Variants in GPC6 observed in about 807,000 individuals in gnomAD.
GPC6 encodes the protein glypican 6, also known as glypican-6.
A neutral mutation model predicts 55.2 loss-of-function variants in GPC6; 14 were observed. The observed-to-expected ratio is 0.25, with a 90% confidence interval of 0.17 to 0.40. The LOEUF is 0.40. GPC6 is among the 10% of genes least tolerant of loss of function. The pLI, the probability that GPC6 is intolerant of heterozygous loss-of-function variation, is 1.00. For synonymous variants in GPC6, 278 were observed against 259.6 expected (o/e 1.07, Z -0.68); for missense variants, 641 against 708.5 (o/e 0.90, Z 1.08).
intron 1 of GPC6, among the ~76,000 whole-genome samples, chr13:93,401,586 A>G (rs907594175): frequency 1.5e-4 from 23 of 151,308 alleles, no homozygotes; most frequent in African/African-American, 5.1e-4. Context: ...CAGTGTGATT[A>G]GAAACCAGGG....
At chr13:94,097,611 A>G (rs2138820896) in intron 4 of GPC6, among the ~76,000 whole-genome samples, 1 of 152,230 alleles carries the variant, frequency 6.6e-6, no homozygotes, top group Non-Finnish European at 1.5e-5. Flanking sequence ...AACAATGTGA[A>G]TATACTTAAC....
At chr13:93,725,998 C>T (rs1357393527) in intron 2 of GPC6, among the ~76,000 whole-genome samples, 1 of 151,772 alleles carries the variant, frequency 6.6e-6, no homozygotes, top group Non-Finnish European at 1.5e-5. Flanking sequence ...AATGTAGTGG[C>T]CCAATTAAAG....
intron 2 of GPC6, among the ~76,000 whole-genome samples, chr13:93,813,545 A>T (rs1179855341): frequency 4.6e-5 from 7 of 152,318 alleles, no homozygotes; most frequent in African/African-American, 1.7e-4. Flanking sequence ...ACAATTGATT[A>T]TAATTGTTTT....
At chr13:93,832,264 C>T (rs1887549091) in intron 3 of GPC6, among the ~76,000 whole-genome samples, 1 of 150,022 alleles carries the variant, frequency 6.7e-6, no homozygotes, top group Non-Finnish European at 1.5e-5. Flanking sequence ...CACCTGAGGA[C>T]TGTCAGTAAA....
intron 1 of GPC6, among the ~76,000 whole-genome samples, chr13:93,228,523 T>C (rs868405817): frequency 6.6e-6 from 1 of 152,152 alleles, no homozygotes; most frequent in Admixed American, 6.5e-5. Context: ...TGTGTAGCAC[T>C]TGGTCTCCGA....
intron 2 of GPC6, among the ~76,000 whole-genome samples, chr13:93,694,069 C>G (rs1882358763): frequency 6.6e-6 from 1 of 152,112 alleles, no homozygotes; most frequent in Admixed American, 6.5e-5. Flanking sequence ...AATTATACAT[C>G]ATTTATGAAG....
At chr13:94,272,903 C>T (rs969396360) in intron 4 of GPC6, among the ~76,000 whole-genome samples, 1 of 152,092 alleles carries the variant, frequency 6.6e-6, no homozygotes, top group Non-Finnish European at 1.5e-5. Context: ...GCCACATCAC[C>T]AGGCTCCTCG....
rs533890976 is a variant in GPC6 at position 94,044,375 on chromosome 13, C to T, written c.877+16481C>T. ...TCAAGTGGGAGTTATTTCTATCCTA[C>T]AGCTCAAGGTCATCGCCAAGGTCTG... On this transcript the variant is annotated intron_variant, in intron 4 of 8. Coordinates refer to ENST00000377047, the MANE Select transcript of GPC6 (RefSeq NM_005708.5). 2.0e-5 allele frequency among the ~76,000 whole-genome samples: 3 copies of T among 151,924 alleles called. No homozygotes were observed. The South Asian group carries it at 6.2e-4, about 31-fold the overall frequency.
intron 4 of GPC6, among the ~76,000 whole-genome samples, chr13:94,096,785 A>G (rs1475873804): frequency 4.6e-5 from 7 of 152,296 alleles, no homozygotes; most frequent in African/African-American, 1.7e-4. Flanking sequence ...GCAAACAGAA[A>G]TCTAGGTGAA....
At chr13:93,918,007 A>G (rs529525914) in intron 3 of GPC6, among the ~76,000 whole-genome samples, 2 of 152,036 alleles carry the variant, frequency 1.3e-5, no homozygotes, top group South Asian at 4.2e-4. Flanking sequence ...TGAGGCAGAA[A>G]AATCACTTGA....
chr13:94,349,908 A>G (rs1288833674), intron 6 of GPC6, among the ~76,000 whole-genome samples: 1 of 152,140 alleles, frequency 6.6e-6, no homozygotes, highest in Non-Finnish European at 1.5e-5. Flanking sequence ...CCAGTCGGTG[A>G]CGAACAAAAT....
At chr13:94,246,036 T>C (rs1891185785) in intron 4 of GPC6, among the ~76,000 whole-genome samples, 1 of 152,124 alleles carries the variant, frequency 6.6e-6, no homozygotes, top group African/African-American at 2.4e-5. Context: ...GGGTCTTGTC[T>C]TTTTTATAGT....
At chr13:93,858,375 C>A (rs1888694223) in intron 3 of GPC6, among the ~76,000 whole-genome samples, 1 of 151,338 alleles carries the variant, frequency 6.6e-6, no homozygotes, top group Admixed American at 6.6e-5. Context: ...TTTAGTTTGC[C>A]ATTTTAGGTC....
intron 4 of GPC6, among the ~76,000 whole-genome samples, chr13:94,233,389 T>C (rs1890788270): frequency 6.6e-6 from 1 of 152,214 alleles, no homozygotes; most frequent in South Asian, 2.1e-4. Context: ...TTATCTCTTT[T>C]CTATGTTTAA....
chr13:93,597,609 C>T (rs77848299), intron 2 of GPC6, among the ~76,000 whole-genome samples: 170 of 152,218 alleles, frequency 1.1e-3, no homozygotes, highest in African/African-American at 4.1e-3. Flanking sequence ...CAAGACCAAC[C>T]CCCTCTTCTT....
intron 4 of GPC6, among the ~76,000 whole-genome samples, chr13:94,096,654 G>C (rs913188024): frequency 6.6e-6 from 1 of 152,148 alleles, no homozygotes; most frequent in Non-Finnish European, 1.5e-5. Flanking sequence ...TTGTATCCAA[G>C]TCTTAATCTT....
At chr13:93,328,136 C>A (rs1594099449) in intron 1 of GPC6, among the ~76,000 whole-genome samples, 1 of 151,350 alleles carries the variant, frequency 6.6e-6, no homozygotes, top group South Asian at 2.1e-4. Flanking sequence ...TTGTAATTTT[C>A]TACCTCAGGA....
intron 1 of GPC6, among the ~76,000 whole-genome samples, chr13:93,488,393 A>C (rs760869950): frequency 2.6e-4 from 39 of 152,272 alleles, no homozygotes; most frequent in Non-Finnish European, 4.6e-4. Context: ...GGTTGGATCC[A>C]AGTCTTTGCT....
At chr13:94,129,101 C>A (rs750081187) in intron 4 of GPC6, among the ~76,000 whole-genome samples, 5 of 152,050 alleles carry the variant, frequency 3.3e-5, no homozygotes, top group Non-Finnish European at 7.4e-5. Flanking sequence ...TTATAGTATT[C>A]AGTTATGTAG....
Sources: allele counts gnomAD v4.1 joint callset (sites outside exome capture counted in the v4.1 genomes callset), GRCh38; gene constraint gnomAD v4.1.1; transcripts MANE v1.5; gene names NCBI Gene and HGNC (gene_info 2026-07-23, HGNC 2026-07-21).